The following FTO variants were observed in gnomAD, a reference collection of about 807,000 sequenced individuals.
FTO encodes the protein alpha-ketoglutarate-dependent dioxygenase FTO.
Under a neutral mutation model 63.9 loss-of-function variants are expected in FTO, and 47 were observed. The observed-to-expected ratio is 0.74, with a 90% CI of 0.58 to 0.94. The LOEUF (loss-of-function observed/expected upper bound fraction) is 0.94, where lower values mean the gene tolerates loss of function less well. FTO is among the 40% of genes least tolerant of loss of function. The pLI is 0.00. For missense variants in FTO, 562 were observed against 618.1 expected, an observed-to-expected ratio of 0.91 and a Z score of 0.96; for synonymous variants, 207 against 224.4, an observed-to-expected ratio of 0.92 and a Z score of 0.69.
chr16:53,823,966 A>G (rs1327103670), intron 2 of FTO, among the ~76,000 whole-genome samples: 2 of 152,160 alleles, frequency 1.3e-5, no homozygotes, highest in African/African-American at 4.8e-5. Flanking sequence ...CTTTAGTTCT[A>G]CCTACAACGT....
At chr16:53,835,931 C>A (rs1228151964) in intron 3 of FTO, among the ~76,000 whole-genome samples, 1 of 146,874 alleles carries the variant, frequency 6.8e-6, no homozygotes, top group Non-Finnish European at 1.5e-5. Flanking sequence ...GCTCTTGTCA[C>A]CCAGGCTGGT....
chr16:53,796,947 C>A (rs752492356), intron 1 of FTO, among the ~76,000 whole-genome samples: 2 of 152,214 alleles, frequency 1.3e-5, no homozygotes, highest in African/African-American at 4.8e-5. Flanking sequence ...CCTTCTCTCC[C>A]CTAGTGGTTC....
intron 7 of FTO, among the ~76,000 whole-genome samples, chr16:53,923,732 T>C (rs1461884396): frequency 6.6e-6 from 1 of 152,022 alleles, no homozygotes; most frequent in Non-Finnish European, 1.5e-5. Flanking sequence ...TTCACCATCA[T>C]CTGAAACACC....
chr16:53,872,683 A>T (rs998233920), intron 4 of FTO, among the ~76,000 whole-genome samples: 2 of 152,182 alleles, frequency 1.3e-5, no homozygotes, highest in African/African-American at 4.8e-5. Context: ...TCCTGTCTTA[A>T]TATCTTGCAT....
intron 7 of FTO, among the ~76,000 whole-genome samples, chr16:53,891,346 C>CTTT (rs5816910): frequency 2.0e-5 from 3 of 147,406 alleles, no homozygotes; most frequent in African/African-American, 2.5e-5. Context: ...TGTTCAAGAG[C>CTTT]TTTTTTTTTT....
intron 7 of FTO, among the ~76,000 whole-genome samples, chr16:53,889,613 TGGTGAAATGG>T (rs2081096928): frequency 6.6e-6 from 1 of 151,936 alleles, no homozygotes; most frequent in African/African-American, 2.4e-5. Context: ...GCTGGGATGG[TGGTGAAATGG>T]CAGATGTGGT....
At chr16:53,722,225 C>T (rs8058460) in intron 1 of FTO, among the ~76,000 whole-genome samples, 60,457 of 151,542 alleles carry the variant, frequency 0.4, 13,257 homozygotes, top group Non-Finnish European at 0.51. Flanking sequence ...ATGTGGTTGA[C>T]GTTAGGTCAT....
intron 4 of FTO, among the ~76,000 whole-genome samples, chr16:53,862,554 TC>T (rs2080206038): frequency 6.6e-6 from 1 of 151,310 alleles, no homozygotes; most frequent in Non-Finnish European, 1.5e-5. Context: ...TTTTTTTTTT[TC>T]AAGATGGAGT....
chr16:53,863,127 C>T (rs79864202), intron 4 of FTO, among the ~76,000 whole-genome samples: 134 of 152,234 alleles, frequency 8.8e-4, no homozygotes, highest in African/African-American at 3.1e-3. Context: ...GTCTGCTTAC[C>T]GTATTTTCAC....
chr16:53,859,612 CT>C (rs1335104834), intron 4 of FTO, among the ~76,000 whole-genome samples: 15 of 150,982 alleles, frequency 9.9e-5, no homozygotes, highest in African/African-American at 3.2e-4. Context: ...GTAACCTGAC[CT>C]AAAAACGAGC....
In FTO at chr16:54,114,798, G is replaced by C. The variant is rs1454768824; in HGVS notation, c.*2883G>C. On this transcript the variant is annotated 3_prime_UTR_variant, in exon 9 of 9. Transcript: ENST00000471389. ...TGTGTGCCTGTAATCCCAGCTACTCGGGAGGCTGAGGCAGGCAAATCGCTT... is the reference window on the plus strand; with the variant it reads ...TGTGTGCCTGTAATCCCAGCTACTCCGGAGGCTGAGGCAGGCAAATCGCTT... The C allele has an allele frequency of 6.6e-6, 1 of 152,526 alleles. No individual in the cohort carries two copies. Among genetic ancestry groups the C allele is most frequent in the Admixed American group, 6.5e-5 (1 of 15,278 alleles). The allele number at this position is 152,526 out of a possible 1,614,324, so 9.4% of individuals were successfully genotyped here. A position where few individuals can be genotyped will look rare whatever the true frequency, so the allele number is the denominator to read the frequency against.
At chr16:54,110,547 A>T (rs2144631516) in intron 8 of FTO, among the ~76,000 whole-genome samples, 1 of 152,326 alleles carries the variant, frequency 6.6e-6, no homozygotes, top group East Asian at 1.9e-4. Context: ...AAGTTGAAGT[A>T]TGTTTTCCCC....
At chr16:53,715,989 G>A (rs2075886069) in intron 1 of FTO, among the ~76,000 whole-genome samples, 1 of 152,162 alleles carries the variant, frequency 6.6e-6, no homozygotes, top group African/African-American at 2.4e-5. Context: ...AGTTTAGGAG[G>A]AAGACAGGCA....
chr16:53,788,590 T>G (rs7190396), intron 1 of FTO, among the ~76,000 whole-genome samples: 58,741 of 141,438 alleles, frequency 0.42, 12,490 homozygotes, highest in African/African-American at 0.49. Flanking sequence ...GCGACAGAGC[T>G]AGACTCTGTC....
intron 8 of FTO, among the ~76,000 whole-genome samples, chr16:53,996,750 CCTT>C (rs2083940035): frequency 6.6e-6 from 1 of 152,072 alleles, no homozygotes; most frequent in Non-Finnish European, 1.5e-5. Context: ...GCAAACACAT[CCTT>C]CTTCACATGG....
upstream of FTO, chr16:53,704,062 T>C (rs1314169397): frequency 1.3e-5 from 14 of 1,060,150 alleles, no homozygotes; most frequent in East Asian, 2.3e-4. Flanking sequence ...TGTAGTTTTT[T>C]CTACTCAGAG....
chr16:54,036,630 C>A (rs546458022), intron 8 of FTO, among the ~76,000 whole-genome samples: 1 of 152,188 alleles, frequency 6.6e-6, no homozygotes, highest in Non-Finnish European at 1.5e-5. Context: ...ACAAAGAGAG[C>A]CTTTGTGCTA....
At chr16:53,718,861 A>G (rs2075960396) in intron 1 of FTO, among the ~76,000 whole-genome samples, 1 of 152,152 alleles carries the variant, frequency 6.6e-6, no homozygotes, top group Non-Finnish European at 1.5e-5. Context: ...GTATATTTCA[A>G]TTAGGAAAGT....
At chr16:53,792,075 C>CAAAAAAAAAAAAAAA (rs10606857) in intron 1 of FTO, among the ~76,000 whole-genome samples, 1 of 138,592 alleles carries the variant, frequency 7.2e-6, no homozygotes. Context: ...GACTTCGTCT[C>CAAAAAAAAAAAAAAA]AAAAAAAAAA....
Sources: gnomAD v4.1 joint callset for allele counts (sites outside exome capture counted in the v4.1 genomes callset) on GRCh38, gnomAD v4.1.1 for gene constraint, MANE v1.5 for transcripts, NCBI Gene and HGNC (gene_info 2026-07-23, HGNC 2026-07-21) for gene names.